DISC1: variants seen among roughly 807,000 people sequenced by gnomAD.
The protein encoded by DISC1 is DISC1 scaffold protein.
A neutral mutation model predicts 84.5 loss-of-function variants in DISC1; 57 were observed. The observed-to-expected ratio is 0.67, with a 90% confidence interval of 0.55 to 0.84. The LOEUF (loss-of-function observed/expected upper bound fraction) is 0.84, where lower values mean the gene tolerates loss of function less well. Among genes scored for constraint, DISC1 ranks in the 40% least tolerant of loss-of-function variants. The pLI, the probability that DISC1 is intolerant of heterozygous loss-of-function variation, is 0.00. For synonymous variants in DISC1, 411 were observed against 415.2 expected (o/e 0.99, Z 0.12); for missense variants, 1,000 against 1,057.8 (o/e 0.95, Z 0.76).
chr1:231,767,984 C>T (rs2076287359), intron 5 of DISC1, among the ~76,000 whole-genome samples: 1 of 152,172 alleles, frequency 6.6e-6, no homozygotes. Context: ...CCGGACTGAG[C>T]AAGGCAGGCA....
intron 10 of DISC1, among the ~76,000 whole-genome samples, chr1:231,986,911 T>G (rs1664526064): frequency 6.6e-6 from 1 of 152,158 alleles, no homozygotes; most frequent in South Asian, 2.1e-4. Context: ...ACTGATTCAC[T>G]TAGTGGTTGG....
At chr1:231,655,371 A>G (rs1261019313) in intron 1 of DISC1, among the ~76,000 whole-genome samples, 1 of 152,234 alleles carries the variant, frequency 6.6e-6, no homozygotes, top group Non-Finnish European at 1.5e-5. Context: ...CTCCTGAGTT[A>G]GTTCACTTAG....
rs149824291 is a variant in DISC1 at position 231,762,261 on chromosome 1, T to TCTTTC, written c.1269-4864_1269-4860dup. Among the ~76,000 whole-genome samples, 76 of 55,276 alleles carry TCTTTC rather than the reference T, an allele frequency of 1.4e-3. 2 individuals carry two copies. Among genetic ancestry groups the TCTTTC allele is most frequent in the African/African-American group, 2.7e-3 (34 of 12,604 alleles). 36.3% of individuals were successfully genotyped at this position (55,276 alleles called of 152,430 possible). A position where few individuals can be genotyped will look rare whatever the true frequency, so the allele number is the denominator to read the frequency against. On this transcript the variant is annotated intron_variant, in intron 4 of 12. Transcript: ENST00000439617. ...TTCTTTTCTTTTCTTTTCTTTATTTTCTTTCCTTTCCTTTCCTTTTCTTTT... is the reference window on the plus strand; with the variant it reads ...TTCTTTTCTTTTCTTTTCTTTATTTTCTTTCCTTTCCTTTCCTTTCCTTTTCTTTT...
chr1:231,627,980 T>TA (rs956171815), intron 1 of DISC1, among the ~76,000 whole-genome samples: 2 of 152,206 alleles, frequency 1.3e-5, no homozygotes, highest in Non-Finnish European at 2.9e-5. Flanking sequence ...ATAGGGTTGT[T>TA]ATGCGGTTTA....
intron 9 of DISC1, among the ~76,000 whole-genome samples, chr1:231,906,986 T>TC (rs2088717704): frequency 6.6e-6 from 1 of 151,318 alleles, no homozygotes; most frequent in South Asian, 2.1e-4. Context: ...CTTTTCTTTC[T>TC]TTTCTTTCTT....
intron 10 of DISC1, among the ~76,000 whole-genome samples, chr1:232,007,968 C>T (rs1042722758): frequency 3.3e-5 from 5 of 152,150 alleles, no homozygotes; most frequent in Non-Finnish European, 4.4e-5. Flanking sequence ...TTTCCCCCTG[C>T]GTTCTGCACT....
intron 9 of DISC1, among the ~76,000 whole-genome samples, chr1:231,877,108 T>TA (rs1169963396): frequency 6.6e-6 from 1 of 152,160 alleles, no homozygotes; most frequent in Admixed American, 6.5e-5. Flanking sequence ...AGTAAAGAAC[T>TA]AAAAATTAGA....
At chr1:231,969,192 T>TTTTG (rs1202192326) in intron 10 of DISC1, among the ~76,000 whole-genome samples, 4 of 147,240 alleles carry the variant, frequency 2.7e-5, no homozygotes, top group Non-Finnish European at 6.0e-5. Context: ...AGCGGTTTTT[T>TTTTG]TTTTTTTTTT....
At chr1:231,913,774 G>A (rs199887513) in intron 9 of DISC1, among the ~76,000 whole-genome samples, 3 of 152,138 alleles carry the variant, frequency 2.0e-5, no homozygotes, top group Non-Finnish European at 4.4e-5. Flanking sequence ...GTATTTCCGG[G>A]TTGCAGTAGG....
At chr1:231,934,191 G>A (rs372988745) in intron 9 of DISC1, among the ~76,000 whole-genome samples, 1 of 152,196 alleles carries the variant, frequency 6.6e-6, no homozygotes, top group South Asian at 2.1e-4. Context: ...CTTCCCAGCA[G>A]CGTTAGACAC....
At chr1:231,781,948 A>C (rs1416365582) in intron 6 of DISC1, among the ~76,000 whole-genome samples, 1 of 152,224 alleles carries the variant, frequency 6.6e-6, no homozygotes, top group Non-Finnish European at 1.5e-5. Flanking sequence ...TGAGAATTTA[A>C]TCAGTTAAGA....
chr1:231,687,615 T>C (rs10429975), intron 1 of DISC1, among the ~76,000 whole-genome samples: 3,798 of 152,334 alleles, frequency 0.025, 124 homozygotes, highest in East Asian at 0.12. Context: ...ATATCACGCA[T>C]GTGTGCTCCC....
intron 12 of DISC1, among the ~76,000 whole-genome samples, chr1:232,035,204 C>T (rs1670403437): frequency 6.6e-6 from 1 of 152,180 alleles, no homozygotes; most frequent in African/African-American, 2.4e-5. Flanking sequence ...AATCCCAGCA[C>T]TTTGGGAGGC....
rs547034736 is a variant in DISC1, at chr1:231,897,592, C to T, written c.1982-61236C>T. Among the ~76,000 whole-genome samples, 3 of 152,214 alleles carry T rather than the reference C, an allele frequency of 2.0e-5. No individual in the cohort carries two copies. The East Asian group carries it at 5.8e-4, about 29-fold the overall frequency. On this transcript the variant is annotated intron_variant, in intron 9 of 12. Coordinates refer to ENST00000439617, the MANE Select transcript of DISC1 (RefSeq NM_018662.3). The surrounding 1 kb of genome is among the most constrained non-coding windows in gnomAD (Gnocchi z 4.5). ...AAAACTTTGCGGCAGCATTTTACAG[C>T]CATTTATTGTAGAGTCTGTTGCTTT...
chr1:231,694,792 G>A lies in DISC1; in HGVS notation c.1034G>A (p.Arg345Gln), dbSNP rs77080351. Residue 345 changes from arginine to glutamine, a missense_variant, in exon 2 of 13, where the codon CGG becomes CAG. Coordinates refer to ENST00000439617, the MANE Select transcript of DISC1 (RefSeq NM_018662.3). Reference sequence around the variant, plus strand: ...CTGCGGGACTGCCTGCTGAGAAACCGGAGGCAGATGGAGGTCAGTGTCTCT... The same window carrying A: ...CTGCGGGACTGCCTGCTGAGAAACCAGAGGCAGATGGAGGTCAGTGTCTCT... ...PVLRDCLLRN[R>Q]RQMEVISLRL... 4.4e-4 allele frequency: 711 copies of A among 1,613,626 alleles called. 10 individuals carry two copies. In the East Asian group the frequency reaches 0.013, roughly 29 times the overall value.
intron 6 of DISC1, among the ~76,000 whole-genome samples, chr1:231,778,328 A>G (rs115039601): frequency 0.018 from 2,730 of 152,334 alleles, 45 homozygotes; most frequent in African/African-American, 0.041. Context: ...GTGGCGTGGA[A>G]GGTCTTTTCT....
intron 9 of DISC1, among the ~76,000 whole-genome samples, chr1:231,846,064 C>G (rs548251541): frequency 1.3e-5 from 2 of 152,138 alleles, no homozygotes; most frequent in South Asian, 4.2e-4. Context: ...CCTGAGCCTT[C>G]AAGCAGCAAC....
chr1:231,799,233 TGA>T (rs2078996417), intron 7 of DISC1, among the ~76,000 whole-genome samples: 1 of 152,168 alleles, frequency 6.6e-6, no homozygotes, highest in Admixed American at 6.6e-5. Context: ...CAAACCTCAC[TGA>T]GAGTTACTTG....
chr1:231,640,528 ATTTTTTT>A (rs58820518), intron 1 of DISC1, among the ~76,000 whole-genome samples: 1 of 133,324 alleles, frequency 7.5e-6, no homozygotes, highest in African/African-American at 2.8e-5. Flanking sequence ...CCTCCTTGGT[ATTTTTTT>A]TTTTTTTTTT....
Sources: allele counts gnomAD v4.1 joint callset (sites outside exome capture counted in the v4.1 genomes callset), GRCh38; gene constraint gnomAD v4.1.1; non-coding constraint Gnocchi (gnomAD v3.1); transcripts MANE v1.5; gene names NCBI Gene and HGNC (gene_info 2026-07-23, HGNC 2026-07-21).